Variants in POLR1B observed in about 807,000 individuals in gnomAD.
The protein encoded by POLR1B is DNA-directed RNA polymerase I subunit RPA2.
In POLR1B, 30 loss-of-function variants were observed where a neutral mutation model predicts 105.8. That is an observed-to-expected ratio of 0.28 (90% CI 0.21 to 0.38). The LOEUF is 0.38. Among genes scored for constraint, POLR1B ranks in the 10% least tolerant of loss-of-function variants. The pLI, the probability that POLR1B is intolerant of heterozygous loss-of-function variation, is 1.00. For synonymous variants in POLR1B, 485 were observed against 505.1 expected, an observed-to-expected ratio of 0.96 and a Z score of 0.53; for missense variants, 976 against 1,435.8, an observed-to-expected ratio of 0.68 and a Z score of 5.17.
chr2:112,563,414 A>G (rs1462831316), intron 9 of POLR1B, among the ~76,000 whole-genome samples: 1 of 152,160 alleles, frequency 6.6e-6, no homozygotes, highest in Non-Finnish European at 1.5e-5. Flanking sequence ...CCTTTCACAA[A>G]AGATTTCTCT....
intron 9 of POLR1B, among the ~76,000 whole-genome samples, chr2:112,563,942 A>G (rs1448917366): frequency 1.3e-5 from 2 of 152,082 alleles, no homozygotes; most frequent in Admixed American, 6.6e-5. Flanking sequence ...CTAAGAAGCA[A>G]TTCCTCATCC....
intron 1 of POLR1B, among the ~76,000 whole-genome samples, chr2:112,546,452 C>CTCTG: frequency 6.7e-6 from 1 of 149,838 alleles, no homozygotes; most frequent in South Asian, 2.1e-4. Context: ...CTACTACAGT[C>CTCTG]TCTGACACAT....
intron 4 of POLR1B, 89 bp from the exon 5 acceptor site, chr2:112,550,777 C>T: frequency 7.2e-7 from 1 of 1,381,920 alleles, no homozygotes; most frequent in Non-Finnish European, 1.0e-6. Flanking sequence ...TTAATTGTGT[C>T]TAAGAGGTTA....
At chr2:112,570,627 A>G (rs1326221192) in intron 12 of POLR1B, among the ~76,000 whole-genome samples, 1 of 152,212 alleles carries the variant, frequency 6.6e-6, no homozygotes, top group African/African-American at 2.4e-5. Context: ...TTGTAAGACA[A>G]TGGCAAGGAT....
rs1253099176 is a variant in POLR1B at position 112,577,352 on chromosome 2, C to T, written c.*1623C>T. Among the ~76,000 whole-genome samples, 2 of 152,182 alleles carry T rather than the reference C, an allele frequency of 1.3e-5. No individual in the cohort carries two copies. Among genetic ancestry groups the T allele is most frequent in the Non-Finnish European group, 2.9e-5 (2 of 68,034 alleles). ...TTGTGCCTGGGAGTTCTAGACTAGC[C>T]TGGGCGAGACTTCATCTCTACAAAA... On this transcript the variant is annotated 3_prime_UTR_variant, in exon 15 of 15. Transcript: ENST00000263331.
intron 7 of POLR1B, among the ~76,000 whole-genome samples, chr2:112,555,787 G>A (rs1574105753): frequency 6.6e-6 from 1 of 152,142 alleles, no homozygotes; most frequent in East Asian, 1.9e-4. Context: ...TACCAGCTAC[G>A]TTAAAGCTTT....
intron 12 of POLR1B, among the ~76,000 whole-genome samples, 160 bp downstream of exon 12, chr2:112,569,062 A>T (rs1182139914): frequency 6.6e-6 from 1 of 152,228 alleles, no homozygotes; most frequent in Non-Finnish European, 1.5e-5. Flanking sequence ...CCAGCCCAGG[A>T]TCACTCATTG....
intron 11 of POLR1B, 105 bp downstream of exon 11, chr2:112,568,242 C>A: frequency 8.6e-7 from 1 of 1,160,836 alleles, no homozygotes; most frequent in Non-Finnish European, 1.2e-6. Flanking sequence ...AATGTTACAA[C>A]AACAGTTGGA....
intron 3 of POLR1B, 56 bp from the exon 4 acceptor site, chr2:112,549,211 G>A (rs1683231575): frequency 1.3e-6 from 2 of 1,595,008 alleles, no homozygotes; most frequent in African/African-American, 1.3e-5. Flanking sequence ...TGAGGTTCAT[G>A]TTTACAGTTA....
intron 12 of POLR1B, among the ~76,000 whole-genome samples, chr2:112,570,219 T>C (rs962680368): frequency 2.0e-5 from 3 of 151,944 alleles, no homozygotes; most frequent in Non-Finnish European, 2.9e-5. Flanking sequence ...CAGCTAATTT[T>C]TGTGTTTTAG....
At position 112,552,634 on chromosome 2, in the gene POLR1B, T is replaced by C; in HGVS notation, c.987-11T>C. 1 of 1,529,208 alleles carries C rather than the reference T, an allele frequency of 6.5e-7. No individual in the cohort carries two copies. The highest frequency in any genetic ancestry group is 8.8e-7 in the Non-Finnish European group (1 of 1,140,994). The allele number at this position is 1,529,208 out of a possible 1,614,324, so 94.7% of individuals were successfully genotyped here. A position where few individuals can be genotyped will look rare whatever the true frequency, so the allele number is the denominator to read the frequency against. ...ATTGTTTTAAGCTTTTTTTTTTTTC[T>C]GTTTTCACAGCCAGTGCATCTGTAT... On this transcript the variant is annotated splice_polypyrimidine_tract_variant and intron_variant, in intron 6 of 14. Coordinates refer to ENST00000263331, the MANE Select transcript of POLR1B (RefSeq NM_019014.6).
intron 4 of POLR1B, among the ~76,000 whole-genome samples, chr2:112,550,432 G>A (rs1185018909): frequency 2.0e-5 from 3 of 152,238 alleles, no homozygotes; most frequent in African/African-American, 7.2e-5. Flanking sequence ...ATGCCTGAAT[G>A]TCTAGTGATT....
In POLR1B at chr2:112,575,544, A is replaced by G; in HGVS notation, c.3223A>G (p.Ser1075Gly). ...SVAHVCVKCG[S>G]LLSPLLEKPP... ...AGCCCATGTGTGTGTGAAGTGTGGC[A>G]GTTTACTCTCTCCACTGTTGGAGAA... The change falls in exon 15 of 15, where the codon AGT (serine) becomes GGT (glycine). Residue 1075 changes from serine (S) to glycine (G), a missense_variant. Physicochemically the swap from Ser to Gly is moderately conservative, Grantham distance 56. This residue lies in a region of POLR1B where 77 missense variants were observed against 104.5 expected (regional missense o/e 0.74). Transcript: ENST00000263331. This position sits in a 1 kb window ranked among gnomAD's most constrained non-coding sequence, Gnocchi z 5.3. The G allele has an allele frequency of 6.2e-7, 1 of 1,614,166 alleles. No individual in the cohort carries two copies. The highest frequency in any genetic ancestry group is 8.5e-7 in the Non-Finnish European group (1 of 1,180,028).
At chr2:112,547,229 G>A in intron 2 of POLR1B, 50 bp downstream of exon 2, 1 of 1,597,286 alleles carries the variant, frequency 6.3e-7, no homozygotes, top group African/African-American at 1.3e-5. Flanking sequence ...ATATTTGGGA[G>A]TAGGGCGGGT....
chr2:112,575,800 T>C lies in POLR1B; in HGVS notation c.*71T>C. On this transcript the variant is annotated 3_prime_UTR_variant, in exon 15 of 15. Transcript: ENST00000263331. This position sits in a 1 kb window ranked among gnomAD's most constrained non-coding sequence, Gnocchi z 5.3. ...AAATGTAATTTTAATTCAATGAAGA[T>C]ATCATTACCAGGTTACTCTTGAGAT... The C allele has an allele frequency of 6.8e-7, 1 of 1,468,902 alleles. No homozygotes were observed. The highest frequency in any genetic ancestry group is 2.3e-5 in the East Asian group (1 of 44,012). The allele number at this position is 1,468,902 out of a possible 1,614,324, so 91.0% of individuals were successfully genotyped here.
rs1361178134 is a variant in POLR1B, at chr2:112,557,453, A to G, written c.1159-457A>G. On this transcript the variant is annotated intron_variant, in intron 7 of 14. Coordinates refer to ENST00000263331, the MANE Select transcript of POLR1B (RefSeq NM_019014.6). Reference sequence around the variant, plus strand: ...AAGGAGGGCATCACATTGAAGAGCTATCCTTTCTGCACCTGAAAAGCCCTC... The same window carrying G: ...AAGGAGGGCATCACATTGAAGAGCTGTCCTTTCTGCACCTGAAAAGCCCTC... Among the ~76,000 whole-genome samples, 6 of 152,302 alleles carry G rather than the reference A, an allele frequency of 3.9e-5. No individual in the cohort carries two copies. In the South Asian group the frequency reaches 1.2e-3, roughly 32 times the overall value.
intron 10 of POLR1B, 133 bp downstream of exon 10, chr2:112,564,632 GT>G: frequency 8.2e-7 from 1 of 1,214,836 alleles, no homozygotes; most frequent in Non-Finnish European, 1.2e-6. Context: ...CAGAATGCCT[GT>G]GCATTCCCTC....
intron 9 of POLR1B, among the ~76,000 whole-genome samples, chr2:112,562,206 A>AT (rs1221868685): frequency 1.3e-5 from 2 of 152,146 alleles, no homozygotes; most frequent in Admixed American, 1.3e-4. Context: ...CCCAGTATTA[A>AT]TTTTGTGGTT....
intron 10 of POLR1B, among the ~76,000 whole-genome samples, chr2:112,567,723 C>A (rs1463017427): frequency 1.3e-5 from 2 of 152,106 alleles, no homozygotes; most frequent in African/African-American, 2.4e-5. Context: ...AACCAGTAAT[C>A]TACTGTATTT....
Sources: allele counts gnomAD v4.1 joint callset (sites outside exome capture counted in the v4.1 genomes callset), GRCh38; gene constraint gnomAD v4.1.1; regional missense constraint gnomAD v4.1.1; non-coding constraint Gnocchi (gnomAD v3.1); transcripts MANE v1.5; gene names NCBI Gene and HGNC (gene_info 2026-07-23, HGNC 2026-07-21).